Variants in PPP1R9A observed in about 807,000 individuals in gnomAD.
PPP1R9A encodes protein phosphatase 1 regulatory subunit 9A.
PPP1R9A carries 59 observed loss-of-function variants against 141.9 expected under a neutral mutation model. The observed-to-expected ratio is 0.42, with a 90% CI of 0.34 to 0.52. PPP1R9A has a LOEUF of 0.52. Ranked by LOEUF, PPP1R9A falls within the 20% of genes least tolerant of loss-of-function variation. The pLI is 0.10. For missense variants in PPP1R9A, 1,444 were observed against 1,611.9 expected (o/e 0.90, Z 1.78); for synonymous variants, 500 against 569.7 (o/e 0.88, Z 1.74).
intron 2 of PPP1R9A, among the ~76,000 whole-genome samples, chr7:94,979,159 G>C (rs1403783184): frequency 6.6e-6 from 1 of 152,154 alleles, no homozygotes; most frequent in Admixed American, 6.5e-5. Flanking sequence ...TGCTTTCTGG[G>C]CAAATTCTGA....
intron 4 of PPP1R9A, among the ~76,000 whole-genome samples, chr7:95,141,550 G>A (rs1317790786): frequency 6.6e-6 from 1 of 151,698 alleles, no homozygotes; most frequent in African/African-American, 2.4e-5. Context: ...TCTGCCATAG[G>A]CACAAATCTA....
At chr7:95,079,707 T>A (rs928453468) in intron 2 of PPP1R9A, among the ~76,000 whole-genome samples, 1 of 152,162 alleles carries the variant, frequency 6.6e-6, no homozygotes, top group African/African-American at 2.4e-5. Context: ...ACTGGCAAAC[T>A]GAATCCAGCA....
chr7:95,241,080 T>G (rs918214145), intron 8 of PPP1R9A, among the ~76,000 whole-genome samples: 1 of 152,160 alleles, frequency 6.6e-6, no homozygotes, highest in Non-Finnish European at 1.5e-5. Flanking sequence ...GGCAATTCTC[T>G]GTACTAAGGT....
intron 2 of PPP1R9A, among the ~76,000 whole-genome samples, chr7:94,945,311 A>G (rs1466168811): frequency 2.0e-5 from 3 of 152,082 alleles, no homozygotes; most frequent in African/African-American, 7.2e-5. Context: ...CATGACATAT[A>G]CAAAAGACAG....
intron 2 of PPP1R9A, among the ~76,000 whole-genome samples, chr7:94,969,179 C>G (rs1798578015): frequency 6.6e-6 from 1 of 152,046 alleles, no homozygotes; most frequent in African/African-American, 2.4e-5. Context: ...CAGTTTTGTT[C>G]CCTTACTGGC....
chr7:95,254,633 G>C (rs1010629430), intron 12 of PPP1R9A, among the ~76,000 whole-genome samples: 5 of 152,110 alleles, frequency 3.3e-5, no homozygotes, highest in African/African-American at 7.2e-5. Context: ...TAGGCATTGA[G>C]GTAGCTCATG....
chr7:94,994,537 T>C (rs137875623), intron 2 of PPP1R9A, among the ~76,000 whole-genome samples: 61 of 152,208 alleles, frequency 4.0e-4, no homozygotes, highest in Admixed American at 9.2e-4. Context: ...AAATAGAGAG[T>C]TTTTATTAGG....
chr7:95,204,765 A>C (rs368131066), intron 7 of PPP1R9A, among the ~76,000 whole-genome samples: 1,647 of 122,570 alleles, frequency 0.013, 25 homozygotes, highest in Admixed American at 0.049. Flanking sequence ...CATACCCACA[A>C]ACACCACACA....
At chr7:95,067,012 CAAAG>C (rs1218127407) in intron 2 of PPP1R9A, among the ~76,000 whole-genome samples, 1 of 152,070 alleles carries the variant, frequency 6.6e-6, no homozygotes, top group Admixed American at 6.6e-5. Context: ...TCCGTTTTAA[CAAAG>C]AAAGGAGAAA....
intron 2 of PPP1R9A, among the ~76,000 whole-genome samples, chr7:95,040,396 T>C (rs1809061578): frequency 6.6e-6 from 1 of 151,570 alleles, no homozygotes; most frequent in Non-Finnish European, 1.5e-5. Flanking sequence ...TGCATGATGA[T>C]GTTAAGGAGT....
intron 16 of PPP1R9A, among the ~76,000 whole-genome samples, chr7:95,277,252 A>G (rs928174752): frequency 3.3e-5 from 5 of 152,322 alleles, no homozygotes; most frequent in African/African-American, 9.6e-5. Flanking sequence ...TTTCCTCTCT[A>G]TAAAGAGTTT....
In PPP1R9A at chr7:94,910,166, C is replaced by T; in HGVS notation, c.53C>T (p.Pro18Leu). ...GERTTLRSAS[P>L]HRNAYRTEFQ... ...CGAACCACTCTCAGAAGTGCCTCTC[C>T]TCACAGGAATGCATATCGAACTGAG... The change falls in exon 2 of 20, where the codon CCT (proline) becomes CTT (leucine). Residue 18 changes from proline to leucine, a missense_variant. Pro to Leu is a moderately conservative substitution (Grantham distance 98). Coordinates refer to ENST00000433360, the MANE Select transcript of PPP1R9A (RefSeq NM_001166160.2). The surrounding 1 kb of genome is among the most constrained non-coding windows in gnomAD (Gnocchi z 4.5). The T allele has an allele frequency of 6.2e-7, 1 of 1,614,036 alleles. No homozygotes were observed. The highest frequency in any genetic ancestry group is 8.5e-7 in the Non-Finnish European group (1 of 1,180,000).
chr7:95,089,484 A>G (rs905075445), intron 2 of PPP1R9A, among the ~76,000 whole-genome samples: 1 of 152,090 alleles, frequency 6.6e-6, no homozygotes, highest in South Asian at 2.1e-4. Flanking sequence ...TGAATCTAAA[A>G]TAAGATTAGA....
chr7:94,929,629 A>T (rs1793918481), intron 2 of PPP1R9A, among the ~76,000 whole-genome samples: 1 of 152,186 alleles, frequency 6.6e-6, no homozygotes, highest in Non-Finnish European at 1.5e-5. Context: ...CCTTTGTGCT[A>T]GACTTAGTTT....
chr7:94,983,076 A>G (rs1180721860), intron 2 of PPP1R9A, among the ~76,000 whole-genome samples: 1 of 152,082 alleles, frequency 6.6e-6, no homozygotes, highest in Admixed American at 6.6e-5. Context: ...TAAATAGGGA[A>G]TTCCTATTTA....
intron 4 of PPP1R9A, among the ~76,000 whole-genome samples, chr7:95,140,260 A>G (rs1000654837): frequency 2.0e-5 from 3 of 152,220 alleles, no homozygotes; most frequent in Non-Finnish European, 1.5e-5. Context: ...GACCTACTGT[A>G]TGAGAGAACA....
chr7:95,202,523 GTTTT>G (rs397726950), intron 6 of PPP1R9A: 3 of 593,162 alleles, frequency 5.1e-6, no homozygotes, highest in Non-Finnish European at 4.2e-6. Context: ...TTGATCACTT[GTTTT>G]TTTTTTCTTT....
chr7:95,275,171 G>A (rs1276593839), intron 16 of PPP1R9A, among the ~76,000 whole-genome samples: 1 of 152,144 alleles, frequency 6.6e-6, no homozygotes, highest in Non-Finnish European at 1.5e-5. Context: ...ACTTTGGGAG[G>A]CCAAGGCGGG....
intron 2 of PPP1R9A, among the ~76,000 whole-genome samples, chr7:95,099,867 G>A (rs1477093372): frequency 6.6e-6 from 1 of 151,924 alleles, no homozygotes; most frequent in African/African-American, 2.4e-5. Flanking sequence ...CCAATAAATG[G>A]TACCAATTAT....
Sources: gnomAD v4.1 joint callset for allele counts (sites outside exome capture counted in the v4.1 genomes callset) on GRCh38, gnomAD v4.1.1 for gene constraint, Gnocchi (gnomAD v3.1) non-coding constraint, MANE v1.5 for transcripts, NCBI Gene and HGNC (gene_info 2026-07-23, HGNC 2026-07-21) for gene names.